Variants in RAG1 observed in about 807,000 individuals in gnomAD.
RAG1 encodes V(D)J recombination-activating protein 1.
In RAG1, 35 loss-of-function variants were observed where a neutral mutation model predicts 62.7. The observed-to-expected ratio is 0.56, with a 90% CI of 0.43 to 0.74. RAG1 has a LOEUF of 0.74. RAG1 is among the 30% of genes least tolerant of loss of function. The probability of loss-of-function intolerance (pLI) is 0.00; values close to 1 mark genes in which losing one functional copy is unlikely to be tolerated. For missense variants in RAG1, 1,169 were observed against 1,278.6 expected (o/e 0.91, Z 1.31); for synonymous variants, 461 against 470.3 (o/e 0.98, Z 0.26).
At position 36,557,806 on chromosome 11, in the gene RAG1, A is replaced by G. The variant is rs563553945; in HGVS notation, c.-411-5579A>G. ...TTTCATATTTTAATATGTATCCTCA[A>G]GTTTTGTTCAAGTTGGAAACCACTG... On this transcript the variant is annotated intron_variant and NMD_transcript_variant, in intron 3 of 9. Coordinates refer to the RAG1 transcript ENST00000534663. 2.6e-5 allele frequency among the ~76,000 whole-genome samples: 4 copies of G among 152,330 alleles called. 1 individual carries two copies. Among genetic ancestry groups the G allele is most frequent in the African/African-American group, 9.6e-5 (4 of 41,572 alleles).
intron 2 of RAG1, among the ~76,000 whole-genome samples, chr11:36,527,707 T>G (rs1860186589): frequency 6.6e-6 from 1 of 152,178 alleles, no homozygotes; most frequent in Non-Finnish European, 1.5e-5. Context: ...TGATTCTTCC[T>G]ATCCATGAGC....
rs1298627459 is a variant in RAG1, at chr11:36,574,710, TTTGC to T, written c.1410_1413del (p.Cys470TrpfsTer21). ...AAGGGCTCTGGCCTGCAGCCAGCTG[TTTGC>T]TTGGCCATCCGTGTCAACACCTTCC... On this transcript the variant is annotated frameshift_variant, in exon 2 of 2. Transcript: ENST00000299440. LOFTEE classifies it high-confidence loss of function. The T allele has an allele frequency of 6.2e-7, 1 of 1,614,080 alleles. No homozygotes were observed. Among genetic ancestry groups the T allele is most frequent in the Non-Finnish European group, 8.5e-7 (1 of 1,180,038 alleles).
At chr11:36,561,343 G>C (rs1408809541) in intron 3 of RAG1, among the ~76,000 whole-genome samples, 1 of 152,192 alleles carries the variant, frequency 6.6e-6, no homozygotes, top group Non-Finnish European at 1.5e-5. Flanking sequence ...TGAGGATGAG[G>C]TGAGGTCTTT....
intron 3 of RAG1, among the ~76,000 whole-genome samples, chr11:36,550,345 G>A (rs932468035): frequency 2.6e-5 from 4 of 151,906 alleles, no homozygotes; most frequent in African/African-American, 9.7e-5. Context: ...CTTTAATCAG[G>A]AATCCAAATT....
At chr11:36,541,163 A>G (rs544498514) in intron 3 of RAG1, among the ~76,000 whole-genome samples, 1 of 152,312 alleles carries the variant, frequency 6.6e-6, no homozygotes, top group Non-Finnish European at 1.5e-5. Context: ...GCTGTAAACA[A>G]TGGAGCTATA....
intron 1 of RAG1, among the ~76,000 whole-genome samples, chr11:36,513,612 G>C (rs1255301705): frequency 6.6e-6 from 1 of 152,184 alleles, no homozygotes; most frequent in East Asian, 1.9e-4. Flanking sequence ...TTCTCACACA[G>C]CTGATAAAGA....
At chr11:36,528,853 A>C (rs1186726570) in intron 2 of RAG1, among the ~76,000 whole-genome samples, 2 of 152,220 alleles carry the variant, frequency 1.3e-5, no homozygotes, top group South Asian at 2.1e-4. Flanking sequence ...GCCATCAGAG[A>C]ATACTATAAC....
At chr11:36,557,584 G>C (rs1056395767) in intron 3 of RAG1, among the ~76,000 whole-genome samples, 1 of 152,008 alleles carries the variant, frequency 6.6e-6, no homozygotes, top group Non-Finnish European at 1.5e-5. Context: ...CGTCGCTCAC[G>C]CTGGGAGCTG....
chr11:36,521,326 G>A (rs1376280981), intron 2 of RAG1, among the ~76,000 whole-genome samples: 1 of 152,078 alleles, frequency 6.6e-6, no homozygotes, highest in Non-Finnish European at 1.5e-5. Flanking sequence ...AGATGATTGA[G>A]TCATGGGGGC....
At chr11:36,515,998 T>C (rs1178596929) in intron 1 of RAG1, among the ~76,000 whole-genome samples, 1 of 152,128 alleles carries the variant, frequency 6.6e-6, no homozygotes, top group African/African-American at 2.4e-5. Flanking sequence ...TTTCCTGCTC[T>C]TGGATAAAGG....
chr11:36,544,056 T>A (rs1378456757), intron 3 of RAG1, among the ~76,000 whole-genome samples: 1 of 152,224 alleles, frequency 6.6e-6, no homozygotes, highest in African/African-American at 2.4e-5. Context: ...TATGGAACAT[T>A]TTCCACAATT....
At chr11:36,571,074 T>C (rs1266467001) in intron 1 of RAG1, among the ~76,000 whole-genome samples, 2 of 152,188 alleles carry the variant, frequency 1.3e-5, no homozygotes, top group Admixed American at 6.5e-5. Context: ...CACAGGAGTA[T>C]TTAAATAAAT....
At chr11:36,513,074 G>A (rs1201242273) in intron 1 of RAG1, among the ~76,000 whole-genome samples, 2 of 152,114 alleles carry the variant, frequency 1.3e-5, no homozygotes, top group East Asian at 1.9e-4. Flanking sequence ...CTGGGAGTAG[G>A]TTCCTTATAA....
chr11:36,512,763 GC>G (rs5030405), intron 1 of RAG1, among the ~76,000 whole-genome samples: 1,715 of 152,272 alleles, frequency 0.011, 38 homozygotes, highest in African/African-American at 0.039. Context: ...TTAGATTGGT[GC>G]AAAAATAATT....
Position 36,543,826 on chromosome 11 carries a change from A to G in RAG1, c.-412+7792A>G, listed in dbSNP as rs543624667. ...CAACAGACTAATTAGAAGATGCTAT[A>G]AAGATTTGTGGACAAGTTTTTATGT... On this transcript the variant is annotated intron_variant and NMD_transcript_variant, in intron 3 of 9. Transcript: ENST00000534663. 2.0e-5 allele frequency among the ~76,000 whole-genome samples: 3 copies of G among 152,360 alleles called. 1 individual carries two copies. The highest frequency in any genetic ancestry group is 2.0e-4 in the Admixed American group (3 of 15,308).
intron 2 of RAG1, among the ~76,000 whole-genome samples, chr11:36,526,754 A>G (rs2133251850): frequency 6.6e-6 from 1 of 152,264 alleles, no homozygotes; most frequent in South Asian, 2.1e-4. Context: ...TTGTTTCCTG[A>G]CTTTTTAATG....
downstream of RAG1, among the ~76,000 whole-genome samples, chr11:36,538,786 A>G (rs1303905233): frequency 6.6e-6 from 1 of 151,910 alleles, no homozygotes; most frequent in East Asian, 1.9e-4. Context: ...TCTGAGGCGG[A>G]TTTTCAATTC....
chr11:36,549,937 A>G (rs1396618793), intron 3 of RAG1, among the ~76,000 whole-genome samples: 3 of 152,252 alleles, frequency 2.0e-5, no homozygotes, highest in Non-Finnish European at 4.4e-5. Flanking sequence ...ATGCAGCCAC[A>G]GAAAAGGATG....
intron 1 of RAG1, 45 bp from the exon 2 acceptor site, chr11:36,573,246 G>A (rs1360925656): frequency 4.5e-6 from 7 of 1,569,910 alleles, no homozygotes; most frequent in Non-Finnish European, 5.3e-6. Flanking sequence ...ACATCAGTGG[G>A]ATATTGATAT....
Sources: allele counts gnomAD v4.1 joint callset (sites outside exome capture counted in the v4.1 genomes callset), GRCh38; gene constraint gnomAD v4.1.1; transcripts MANE v1.5; gene names NCBI Gene and HGNC (gene_info 2026-07-23, HGNC 2026-07-21).